Variants in EREG observed in about 807,000 individuals in gnomAD.
The protein encoded by EREG is proepiregulin.
A neutral mutation model predicts 22.4 loss-of-function variants in EREG; 23 were observed. That is an observed-to-expected ratio of 1.03 (90% CI 0.74 to 1.46). The LOEUF (loss-of-function observed/expected upper bound fraction) is 1.46, where lower values mean the gene tolerates loss of function less well. EREG is among the 40% of genes most tolerant of loss of function. The probability of loss-of-function intolerance (pLI) is 0.00; values close to 1 mark genes in which losing one functional copy is unlikely to be tolerated. For synonymous variants in EREG, 100 were observed against 75.4 expected, an observed-to-expected ratio of 1.33 and a Z score of -1.69; for missense variants, 226 against 205.9, an observed-to-expected ratio of 1.10 and a Z score of -0.60.
rs879262365 is a variant in EREG at position 74,387,490 on chromosome 4, A to T, written c.*2682A>T. 6 of 152,230 alleles carry T rather than the reference A, an allele frequency of 3.9e-5. No homozygotes were observed. Among genetic ancestry groups the T allele is most frequent in the Non-Finnish European group, 5.9e-5 (4 of 68,026 alleles). The allele number at this position is 152,230 out of a possible 1,614,324, so 9.4% of individuals were successfully genotyped here. On this transcript the variant is annotated 3_prime_UTR_variant, in exon 5 of 5. Transcript: ENST00000244869. ...GTATTTTTCATCTTTAAGAATGCTT[A>T]AAAAAGCTAATCCCTAAAATAGTTA... is the stretch of plus-strand genomic sequence containing the variant.
At chr4:74,373,655 G>A (rs912643762) in intron 1 of EREG, among the ~76,000 whole-genome samples, 6 of 147,134 alleles carry the variant, frequency 4.1e-5, no homozygotes, top group African/African-American at 1.5e-4. Flanking sequence ...AGTAATATAT[G>A]TATATATGTG....
chr4:74,374,554 T>C (rs1209788164), intron 1 of EREG, among the ~76,000 whole-genome samples: 1 of 152,108 alleles, frequency 6.6e-6, no homozygotes, highest in East Asian at 1.9e-4. Flanking sequence ...TAAATATAAA[T>C]AAAAATGAAG....
At chr4:74,370,332 A>C (rs766476335) in intron 1 of EREG, among the ~76,000 whole-genome samples, 22 of 152,214 alleles carry the variant, frequency 1.4e-4, no homozygotes, top group Non-Finnish European at 2.8e-4. Flanking sequence ...GGCTTATATT[A>C]AACACAATTA....
intron 1 of EREG, among the ~76,000 whole-genome samples, chr4:74,378,233 C>A (rs192813537): frequency 6.6e-6 from 1 of 152,032 alleles, no homozygotes; most frequent in East Asian, 1.9e-4. Flanking sequence ...TTACATTTAC[C>A]TAGCTGCCTA....
At chr4:74,377,759 G>A (rs1752405351) in intron 1 of EREG, among the ~76,000 whole-genome samples, 1 of 152,188 alleles carries the variant, frequency 6.6e-6, no homozygotes, top group Admixed American at 6.5e-5. Flanking sequence ...AGAGAGGCGG[G>A]AAGGAGGAAC....
intron 1 of EREG, among the ~76,000 whole-genome samples, chr4:74,368,272 A>T (rs1389467682): frequency 1.3e-5 from 2 of 152,222 alleles, no homozygotes; most frequent in African/African-American, 4.8e-5. Context: ...GTGCTAAAAT[A>T]TGTTGAATTT....
chr4:74,377,679 A>G (rs1311596592), intron 1 of EREG, among the ~76,000 whole-genome samples: 2 of 152,332 alleles, frequency 1.3e-5, no homozygotes, highest in East Asian at 3.9e-4. Flanking sequence ...ATGGCTGGGG[A>G]AGTCTCAGGA....
intron 3 of EREG, 74 bp from the exon 4 acceptor site, chr4:74,382,571 C>T: frequency 8.1e-7 from 1 of 1,232,540 alleles, no homozygotes; most frequent in Non-Finnish European, 1.1e-6. Flanking sequence ...GATGTTAGTC[C>T]TTATAAAACT....
Position 74,385,961 on chromosome 4 carries a change from C to T in EREG, c.*1153C>T, listed in dbSNP as rs907707841. 2.3e-5 allele frequency: 9 copies of T among 387,736 alleles called. No homozygotes were observed. The highest frequency in any genetic ancestry group is 1.9e-4 in the African/African-American group (9 of 48,464). The allele number at this position is 387,736 out of a possible 1,614,324, so 24.0% of individuals were successfully genotyped here. ...GTGTATTTTTCCAAATGAAAAATCT[C>T]AATTGAAAGCTTTTAAAATGTAGAA... On this transcript the variant is annotated 3_prime_UTR_variant, in exon 5 of 5. Transcript: ENST00000244869.
rs1752573577 is a variant in EREG at position 74,386,646 on chromosome 4, A to AATATG, written c.*1839_*1843dup. The AATATG allele has an allele frequency of 6.6e-6, 1 of 152,224 alleles. No homozygotes were observed. The highest frequency in any genetic ancestry group is 2.4e-5 in the African/African-American group (1 of 41,462). The allele number at this position is 152,224 out of a possible 1,614,324, so 9.4% of individuals were successfully genotyped here. ...TCCTATTTAATACAGCTGAAGTCAA[A>AATATG]ATATGTAAGAACACATTTTAAATAC... is the stretch of plus-strand genomic sequence containing the variant. On this transcript the variant is annotated 3_prime_UTR_variant, in exon 5 of 5. Coordinates refer to ENST00000244869, the MANE Select transcript of EREG (RefSeq NM_001432.3).
intron 1 of EREG, among the ~76,000 whole-genome samples, chr4:74,370,384 G>A (rs534225597): frequency 6.6e-6 from 1 of 152,176 alleles, no homozygotes; most frequent in East Asian, 1.9e-4. Context: ...TTTATTTGGA[G>A]TTATCACCAC....
intron 1 of EREG, among the ~76,000 whole-genome samples, chr4:74,369,184 G>A (rs72859325): frequency 6.6e-6 from 1 of 151,954 alleles, no homozygotes; most frequent in Non-Finnish European, 1.5e-5. Flanking sequence ...GGGTACAATT[G>A]GTTTTTTGTT....
At position 74,379,462 on chromosome 4, in the gene EREG, C is replaced by T. The variant is rs769348496; in HGVS notation, c.82C>T (p.Gln28Ter). Residue 28 changes from glutamine (Q) to a stop codon, truncating the protein, a stop_gained, in exon 2 of 5, where the codon CAG becomes TAG. Transcript: ENST00000244869. LOFTEE classifies it high-confidence loss of function. ...TTCATAAATAGGTTTCCATCTTCTA[C>T]AGGCAGTCCTCAGTACAACTGTGAT... Reference protein sequence around the residue: ...LLLCLGFHLLQAVLSTTVIPS... With the variant: ...LLLCLGFHLL 50 of 1,605,110 alleles carry T rather than the reference C, an allele frequency of 3.1e-5. No individual in the cohort carries two copies. In the East Asian group the frequency reaches 1.1e-3, roughly 35 times the overall value.
At chr4:74,383,183 A>G (rs1560600206) in intron 4 of EREG, among the ~76,000 whole-genome samples, 1 of 152,178 alleles carries the variant, frequency 6.6e-6, no homozygotes, top group Non-Finnish European at 1.5e-5. Flanking sequence ...TCTTTATCAA[A>G]TATGGACAGA....
chr4:74,383,635 T>G (rs1265928819), intron 4 of EREG, among the ~76,000 whole-genome samples: 1 of 152,162 alleles, frequency 6.6e-6, no homozygotes, highest in Admixed American at 6.5e-5. Context: ...CCATGAAACA[T>G]ATTTTGAAAC....
At chr4:74,368,020 A>T (rs1752215727) in intron 1 of EREG, among the ~76,000 whole-genome samples, 1 of 152,220 alleles carries the variant, frequency 6.6e-6, no homozygotes, top group South Asian at 2.1e-4. Flanking sequence ...AGTGAAGTCA[A>T]GTACCTTACA....
At chr4:74,370,626 T>TGTGA (rs1553929961) in intron 1 of EREG, among the ~76,000 whole-genome samples, 1 of 149,670 alleles carries the variant, frequency 6.7e-6, no homozygotes, top group African/African-American at 2.5e-5. Flanking sequence ...TGTGTGTGTG[T>TGTGA]GAGAGAGAGA....
intron 1 of EREG, among the ~76,000 whole-genome samples, chr4:74,365,807 G>A (rs1752170160): frequency 6.6e-6 from 1 of 152,042 alleles, no homozygotes; most frequent in African/African-American, 2.4e-5. Flanking sequence ...GGGGGAAAAA[G>A]CTTTTCTCCT....
At chr4:74,377,399 T>C (rs1329964418) in intron 1 of EREG, among the ~76,000 whole-genome samples, 2 of 152,212 alleles carry the variant, frequency 1.3e-5, no homozygotes, top group Admixed American at 1.3e-4. Flanking sequence ...CTAGTATTAT[T>C]GCCTATTTCC....
Sources: gnomAD v4.1 joint callset for allele counts (sites outside exome capture counted in the v4.1 genomes callset) on GRCh38, gnomAD v4.1.1 for gene constraint, MANE v1.5 for transcripts, NCBI Gene and HGNC (gene_info 2026-07-23, HGNC 2026-07-21) for gene names.